Variants in EIF4G2 observed in about 807,000 individuals in gnomAD.
EIF4G2 encodes DAP-5.
Under a neutral mutation model 117.7 loss-of-function variants are expected in EIF4G2, and 8 were observed. The observed-to-expected ratio is 0.07, with a 90% confidence interval of 0.04 to 0.12. The LOEUF (loss-of-function observed/expected upper bound fraction) is 0.12. Among genes scored for constraint, EIF4G2 ranks in the 10% least tolerant of loss-of-function variants. The probability of loss-of-function intolerance (pLI) is 1.00; values close to 1 mark genes in which losing one functional copy is unlikely to be tolerated. For synonymous variants in EIF4G2, 413 were observed against 367.8 expected, an observed-to-expected ratio of 1.12 and a Z score of -1.41; for missense variants, 812 against 1,086.2, an observed-to-expected ratio of 0.75 and a Z score of 3.55.
Position 10,803,192 on chromosome 11 carries a change from T to C in EIF4G2, c.897+19A>G. ...CCAAAAACTCAGCTTACCAACAAATTTAAAGAAACCAGTATTACCTGCAGC... is the reference window on the plus strand; with the variant it reads ...CCAAAAACTCAGCTTACCAACAAATCTAAAGAAACCAGTATTACCTGCAGC... On this transcript the variant is annotated intron_variant, in intron 10 of 21. Coordinates refer to ENST00000339995, the MANE Select transcript of EIF4G2 (RefSeq NM_001418.4). The surrounding 1 kb of genome is among the most constrained non-coding windows in gnomAD (Gnocchi z 4.0). 2.5e-6 allele frequency: 4 copies of C among 1,608,886 alleles called. No homozygotes were observed. The highest frequency in any genetic ancestry group is 3.4e-6 in the Non-Finnish European group (4 of 1,178,726).
chr11:10,803,362 T>G lies in EIF4G2; in HGVS notation c.814-68A>C. The G allele has an allele frequency of 1.3e-6, 2 of 1,581,496 alleles. No individual in the cohort carries two copies. The highest frequency in any genetic ancestry group is 8.7e-7 in the Non-Finnish European group (1 of 1,155,774). Reference sequence around the variant, plus strand: ...TGTGTTCAATTTACAGCTTTAAGACTTCTAAAATTATAACCCAGTTAATGG... The same window carrying G: ...TGTGTTCAATTTACAGCTTTAAGACGTCTAAAATTATAACCCAGTTAATGG... On this transcript the variant is annotated intron_variant, in intron 9 of 21. Transcript: ENST00000339995. The surrounding 1 kb of genome is among the most constrained non-coding windows in gnomAD (Gnocchi z 4.0).
rs142591533 is a variant in EIF4G2, at chr11:10,804,934, G to A, written c.330C>T (p.Ile110=). The A allele has an allele frequency of 1.1e-4, 180 of 1,613,814 alleles. No homozygotes were observed. The highest frequency in any genetic ancestry group is 1.5e-4 in the Non-Finnish European group (176 of 1,179,860). Residue 110 remains isoleucine (I), a synonymous_variant, in exon 5 of 22, where the codon ATC becomes ATT. Coordinates refer to ENST00000339995, the MANE Select transcript of EIF4G2 (RefSeq NM_001418.4). ...TTACCAGCAGTATGACCCCTTTAAG[G>A]ATGAGTTTAGACTCTACACCCACAT...
chr11:10,808,506 C>T (rs780668462), intron 1 of EIF4G2, 199 bp downstream of exon 1: 7 of 1,231,920 alleles, frequency 5.7e-6, no homozygotes, highest in African/African-American at 1.6e-5. Context: ...TGACGTTTTC[C>T]TTCTACTCCG....
Position 10,799,248 on chromosome 11 carries a change from A to T in EIF4G2, c.2501T>A (p.Leu834His). The T allele has an allele frequency of 6.2e-7, 1 of 1,614,180 alleles. No individual in the cohort carries two copies. The change falls in exon 20 of 22, where the codon CTC becomes CAC. Residue 834 changes from leucine (L) to histidine (H), a missense_variant. Transcript: ENST00000339995. Reference sequence around the variant, plus strand: ...GTTGCTGTTATAGCAGTGCACCTGGAGAGCATACAGGGCACTGACTTGTAG... The same window carrying T: ...GTTGCTGTTATAGCAGTGCACCTGGTGAGCATACAGGGCACTGACTTGTAG...
chr11:10,800,664 T>A lies in EIF4G2; in HGVS notation c.1645-17A>T. On this transcript the variant is annotated splice_polypyrimidine_tract_variant and intron_variant, in intron 16 of 21. Transcript: ENST00000339995. ...AACAGTTTCCTGTGAAGAACACAAG[T>A]ATCTTTAATGTATTCTCTATCTCAA... 6.2e-7 allele frequency: 1 copy of A among 1,613,986 alleles called. No individual in the cohort carries two copies. The highest frequency in any genetic ancestry group is 1.6e-4 in the Middle Eastern group (1 of 6,062).
chr11:10,806,721 T>A lies in EIF4G2; in HGVS notation c.107+99A>T, dbSNP rs551711384. 1.0e-4 allele frequency: 137 copies of A among 1,311,862 alleles called. 1 individual carries two copies. The South Asian group carries it at 1.6e-3, about 15-fold the overall frequency. 81.3% of individuals were successfully genotyped at this position (1,311,862 alleles called of 1,614,324 possible). A position where few individuals can be genotyped will look rare whatever the true frequency, so the allele number is the denominator to read the frequency against. ...CAACAGAAACCACGCCCCTTAAGAT[T>A]AGGAGTCTTGATGGCTATTGCCTTA... On this transcript the variant is annotated intron_variant, in intron 3 of 21. Coordinates refer to ENST00000339995, the MANE Select transcript of EIF4G2 (RefSeq NM_001418.4).
chr11:10,801,375 C>A, intron 14 of EIF4G2: 2 of 608,044 alleles, frequency 3.3e-6, no homozygotes, highest in South Asian at 1.9e-5. Flanking sequence ...TAGAAAATGC[C>A]CTGTTTTATC....
In EIF4G2 at chr11:10,803,884, C is replaced by T; in HGVS notation, c.702+15G>A. 1 of 1,601,184 alleles carries T rather than the reference C, an allele frequency of 6.2e-7. No homozygotes were observed. Among genetic ancestry groups the T allele is most frequent in the East Asian group, 2.2e-5 (1 of 44,580 alleles). On this transcript the variant is annotated intron_variant, in intron 8 of 21. Transcript: ENST00000339995. The surrounding 1 kb of genome is among the most constrained non-coding windows in gnomAD (Gnocchi z 4.0). ...ACGACTGACTACATTCGCCTAACTT[C>T]CCTGTCACACTTACTGTTTTGATGC...
intron 17 of EIF4G2, 23 bp from the exon 18 acceptor site, chr11:10,800,371 T>TG: frequency 6.2e-7 from 1 of 1,612,678 alleles, no homozygotes; most frequent in South Asian, 1.1e-5. Context: ...ATACAACAGT[T>TG]TATCAGTTTT....
intron 1 of EIF4G2, chr11:10,808,412 C>T (rs887775869): frequency 1.6e-6 from 2 of 1,259,722 alleles, no homozygotes; most frequent in African/African-American, 1.6e-5. Flanking sequence ...GCCGTCCGAG[C>T]ACAGCCGTGC....
At chr11:10,802,692 C>G (rs143778159) in intron 11 of EIF4G2, among the ~76,000 whole-genome samples, 1 of 152,068 alleles carries the variant, frequency 6.6e-6, no homozygotes, top group African/African-American at 2.4e-5. Context: ...ATGGTGGAAC[C>G]CTGTCTCTAC....
chr11:10,803,102 A>G lies in EIF4G2; in HGVS notation c.924T>C (p.His308=), dbSNP rs370262814. 14 of 1,610,784 alleles carry G rather than the reference A, an allele frequency of 8.7e-6. No individual in the cohort carries two copies. The African/African-American group carries it at 1.3e-4, about 15-fold the overall frequency. ...CAAGAAAAGCCTTGCGAGGAACCCA[A>G]TGGTGTTCTCGCAACTCTACGGTAT... The change falls in exon 11 of 22, where the codon CAT becomes CAC. Residue 308 remains histidine, a synonymous_variant. Transcript: ENST00000339995. This position sits in a 1 kb window ranked among gnomAD's most constrained non-coding sequence, Gnocchi z 4.0.
chr11:10,808,125 C>T, intron 1 of EIF4G2: 1 of 1,052,866 alleles, frequency 9.5e-7, no homozygotes, highest in Non-Finnish European at 1.2e-6. Context: ...CACCCGCCGC[C>T]TCCAAGCGGG....
intron 21 of EIF4G2, 151 bp downstream of exon 21, chr11:10,798,841 G>T: frequency 2.2e-6 from 2 of 929,636 alleles, no homozygotes; most frequent in Non-Finnish European, 3.2e-6. Context: ...CTTAATAATA[G>T]CTTCAAATAG....
chr11:10,802,452 A>C lies in EIF4G2; in HGVS notation c.997-17T>G. On this transcript the variant is annotated splice_polypyrimidine_tract_variant and intron_variant, in intron 11 of 21. Coordinates refer to ENST00000339995, the MANE Select transcript of EIF4G2 (RefSeq NM_001418.4). Reference sequence around the variant, plus strand: ...CCCTAGATCCTTTAGAAATGAAGTGAATATGCACTTTTTGTCTCTGGACAC... The same window carrying C: ...CCCTAGATCCTTTAGAAATGAAGTGCATATGCACTTTTTGTCTCTGGACAC... 2 of 1,548,960 alleles carry C rather than the reference A, an allele frequency of 1.3e-6. No individual in the cohort carries two copies. Among genetic ancestry groups the C allele is most frequent in the South Asian group, 2.4e-5 (2 of 81,968 alleles).
chr11:10,808,099 A>G, intron 1 of EIF4G2: 1 of 1,055,734 alleles, frequency 9.5e-7, no homozygotes, highest in Admixed American at 6.0e-5. Flanking sequence ...TCCAAGCAGG[A>G]AGGCGGCCTC....
rs980741160 is a variant in EIF4G2, at chr11:10,808,797, CAA to C, written c.-181_-180del. ...AGGGAGGGGAAAGGGGAACGGAAAA[CAA>C]AAAAAAGGGGGAGGGAAGGGGGAGG... is the stretch of plus-strand genomic sequence containing the variant. On this transcript the variant is annotated 5_prime_UTR_variant, in exon 1 of 22. Coordinates refer to ENST00000339995, the MANE Select transcript of EIF4G2 (RefSeq NM_001418.4). 2 of 136,528 alleles carry C rather than the reference CAA, an allele frequency of 1.5e-5. No homozygotes were observed. The highest frequency in any genetic ancestry group is 3.2e-5 in the Non-Finnish European group (2 of 63,278). The allele number at this position is 136,528 out of a possible 1,614,324, so 8.5% of individuals were successfully genotyped here.
chr11:10,802,943 C>T, intron 11 of EIF4G2, 87 bp downstream of exon 11: 1 of 1,131,494 alleles, frequency 8.8e-7, no homozygotes, highest in East Asian at 2.4e-5. Context: ...ACAGACCCCT[C>T]AAGCGTTTGG....
rs1202485943 is a variant in EIF4G2 at position 10,799,639 on chromosome 11, G to C, written c.2237C>G (p.Ser746Cys). The stretch of plus-strand genomic sequence containing the variant: ...AATCCATTTATATATGGTTTGAGGG[G>C]ATGGATCCAACTTTATTTGCTTCAA... The change falls in exon 19 of 22, where the codon TCC becomes TGC. Residue 746 changes from serine (S) to cysteine (C), a missense_variant. Around this residue, in one of 4 missense-constraint regions of EIF4G2, gnomAD observed 571 missense variants for 642.3 expected, o/e 0.89. Coordinates refer to ENST00000339995, the MANE Select transcript of EIF4G2 (RefSeq NM_001418.4). 3.7e-6 allele frequency: 6 copies of C among 1,613,988 alleles called. No homozygotes were observed. The highest frequency in any genetic ancestry group is 1.3e-5 in the African/African-American group (1 of 74,928).
Sources: allele counts gnomAD v4.1 joint callset (sites outside exome capture counted in the v4.1 genomes callset), GRCh38; gene constraint gnomAD v4.1.1; regional missense constraint gnomAD v4.1.1; non-coding constraint Gnocchi (gnomAD v3.1); transcripts MANE v1.5; gene names NCBI Gene and HGNC (gene_info 2026-07-23, HGNC 2026-07-21).